Variants in SLC25A48 observed in about 807,000 individuals in gnomAD.
The protein encoded by SLC25A48 is CTC-321K16.1.
Under a neutral mutation model 32.2 loss-of-function variants are expected in SLC25A48, and 29 were observed. That is an observed-to-expected ratio of 0.90 (90% CI 0.67 to 1.23). SLC25A48 has a LOEUF of 1.23. SLC25A48 is among the 50% of genes most tolerant of loss of function. SLC25A48 has a pLI of 0.00. For missense variants in SLC25A48, 399 were observed against 422.7 expected, an observed-to-expected ratio of 0.94 and a Z score of 0.49; for synonymous variants, 164 against 172.3, an observed-to-expected ratio of 0.95 and a Z score of 0.38.
At chr5:135,820,219 ACTC>A (rs1225465672) in intron 4 of SLC25A48, among the ~76,000 whole-genome samples, 1 of 152,172 alleles carries the variant, frequency 6.6e-6, no homozygotes, top group Non-Finnish European at 1.5e-5. Flanking sequence ...ACAGTATACT[ACTC>A]CTCAATAAAA....
chr5:135,706,816 A>G (rs1754521970), intron 3 of SLC25A48, among the ~76,000 whole-genome samples: 1 of 152,212 alleles, frequency 6.6e-6, no homozygotes, highest in African/African-American at 2.4e-5. Flanking sequence ...GACACATGTC[A>G]CGAAAGAGAT....
At chr5:135,738,524 T>C (rs1475052442) in intron 3 of SLC25A48, among the ~76,000 whole-genome samples, 1 of 152,184 alleles carries the variant, frequency 6.6e-6, no homozygotes, top group African/African-American at 2.4e-5. Context: ...TTTACTCCTT[T>C]TACTCTCAAA....
intron 3 of SLC25A48, among the ~76,000 whole-genome samples, chr5:135,643,873 A>T (rs558493926): frequency 6.6e-6 from 1 of 152,304 alleles, no homozygotes; most frequent in South Asian, 2.1e-4. Context: ...CGCTATGATT[A>T]TCATCTTATT....
chr5:135,835,159 T>G (rs1758390657), intron 1 of SLC25A48: 5 of 672,042 alleles, frequency 7.4e-6, no homozygotes, highest in Non-Finnish European at 1.4e-5. Context: ...AGGTAATGAT[T>G]AAACAGCTCG....
At chr5:135,886,266 T>A (rs1004773649) in intron 7 of SLC25A48, among the ~76,000 whole-genome samples, 11 of 151,938 alleles carry the variant, frequency 7.2e-5, no homozygotes, top group Admixed American at 7.2e-4. Context: ...CTGCCCAGCC[T>A]CAGCCCAGCT....
chr5:135,813,597 G>T (rs1008247016), intron 4 of SLC25A48, among the ~76,000 whole-genome samples: 7 of 152,172 alleles, frequency 4.6e-5, no homozygotes, highest in African/African-American at 1.7e-4. Flanking sequence ...GCTTTGATTT[G>T]TCAGTGTTGA....
intron 3 of SLC25A48, among the ~76,000 whole-genome samples, chr5:135,749,530 A>G (rs1755720402): frequency 6.6e-6 from 1 of 152,090 alleles, no homozygotes; most frequent in Non-Finnish European, 1.5e-5. Flanking sequence ...GTCTCAGCAG[A>G]TGGTGATCAC....
chr5:135,840,179 TA>T (rs1409505084), intron 1 of SLC25A48, among the ~76,000 whole-genome samples: 1 of 152,294 alleles, frequency 6.6e-6, no homozygotes, highest in Non-Finnish European at 1.5e-5. Flanking sequence ...GGTCTTCTTT[TA>T]AAAAAATTCT....
At chr5:135,856,567 C>G (rs548073364) in intron 4 of SLC25A48, among the ~76,000 whole-genome samples, 41 of 152,336 alleles carry the variant, frequency 2.7e-4, no homozygotes, top group Non-Finnish European at 5.0e-4. Context: ...CCTGGCTGCC[C>G]CAAGGCTGTG....
At chr5:135,652,536 T>G in intron 3 of SLC25A48, 1 of 418,528 alleles carries the variant, frequency 2.4e-6, no homozygotes, top group Non-Finnish European at 4.8e-6. Flanking sequence ...CCCCATTAAC[T>G]GGAAGTGGCT....
intron 3 of SLC25A48, among the ~76,000 whole-genome samples, chr5:135,769,226 G>C (rs895144423): frequency 8.6e-6 from 1 of 116,358 alleles, no homozygotes; most frequent in African/African-American, 3.2e-5. Context: ...ATTGTAGGGG[G>C]TATGCAGCCC....
chr5:135,883,003 G>T, intron 7 of SLC25A48: 1 of 982,036 alleles, frequency 1.0e-6, no homozygotes, highest in Non-Finnish European at 1.2e-6. Flanking sequence ...TTGACCCCAA[G>T]ATCCAAGATT....
intron 3 of SLC25A48, among the ~76,000 whole-genome samples, chr5:135,796,786 G>T (rs1757192060): frequency 6.6e-6 from 1 of 151,706 alleles, no homozygotes; most frequent in African/African-American, 2.4e-5. Context: ...CTAATATCCA[G>T]GGGGAAAAAG....
At position 135,852,609 on chromosome 5, in the gene SLC25A48, C is replaced by A; in HGVS notation, c.209C>A (p.Ala70Asp). ...KGMSFPLASIAVYNSVVFGVF... is the reference protein window; with the variant it reads ...KGMSFPLASIDVYNSVVFGVF... Reference sequence around the variant, plus strand: ...ATGTCCTTCCCCCTCGCCAGCATTGCCGTCTACAACTCCGTGGTGTTTGGG... The same window carrying A: ...ATGTCCTTCCCCCTCGCCAGCATTGACGTCTACAACTCCGTGGTGTTTGGG... Residue 70 changes from alanine (A) to aspartate (D), a missense_variant, in exon 4 of 8, where the codon GCC (alanine) becomes GAC (aspartate). By Grantham distance (126) the Ala-to-Asp change is moderately radical. Transcript: ENST00000681962. 1 of 1,607,142 alleles carries A rather than the reference C, an allele frequency of 6.2e-7. No individual in the cohort carries two copies. Among genetic ancestry groups the A allele is most frequent in the Non-Finnish European group, 8.5e-7 (1 of 1,174,028 alleles).
chr5:135,594,456 T>C (rs144017129), intron 1 of SLC25A48, among the ~76,000 whole-genome samples: 1 of 152,186 alleles, frequency 6.6e-6, no homozygotes, highest in Non-Finnish European at 1.5e-5. Flanking sequence ...GCTGTCTCAC[T>C]CTCTAGCTGT....
intron 1 of SLC25A48, among the ~76,000 whole-genome samples, chr5:135,605,891 G>A (rs1188452106): frequency 6.6e-6 from 1 of 152,202 alleles, no homozygotes; most frequent in Admixed American, 6.5e-5. Flanking sequence ...AGAGAAGCTT[G>A]CTGGTTGAAG....
chr5:135,579,979 T>C (rs1489642021), intron 1 of SLC25A48, among the ~76,000 whole-genome samples: 1 of 152,214 alleles, frequency 6.6e-6, no homozygotes, highest in Non-Finnish European at 1.5e-5. Context: ...GTGTTTCTGA[T>C]AGGGTGGCTG....
intron 4 of SLC25A48, among the ~76,000 whole-genome samples, chr5:135,814,914 A>C (rs1414622565): frequency 1.3e-5 from 2 of 152,210 alleles, no homozygotes; most frequent in Non-Finnish European, 2.9e-5. Context: ...CTGCCTCGTG[A>C]ACTGGCAGGG....
intron 3 of SLC25A48, among the ~76,000 whole-genome samples, chr5:135,807,894 C>T (rs1462463937): frequency 3.3e-5 from 5 of 149,316 alleles, no homozygotes; most frequent in Non-Finnish European, 6.0e-5. Flanking sequence ...AATGTGTTAA[C>T]CCTGTGTGTT....
Sources: allele counts gnomAD v4.1 joint callset (sites outside exome capture counted in the v4.1 genomes callset), GRCh38; gene constraint gnomAD v4.1.1; transcripts MANE v1.5; gene names NCBI Gene and HGNC (gene_info 2026-07-23, HGNC 2026-07-21).